MATN2: variants seen among roughly 807,000 people sequenced by gnomAD.
The protein encoded by MATN2 is matrilin 2, also known as matrilin-2.
MATN2 carries 69 observed loss-of-function variants against 103.2 expected under a neutral mutation model. The observed-to-expected ratio is 0.67, with a 90% CI of 0.55 to 0.82. The LOEUF (loss-of-function observed/expected upper bound fraction) is 0.82. MATN2 is among the 40% of genes least tolerant of loss of function. The pLI, the probability that MATN2 is intolerant of heterozygous loss-of-function variation, is 0.00. For missense variants in MATN2, 1,023 were observed against 1,211.5 expected (o/e 0.84, Z 2.31); for synonymous variants, 429 against 450.2 (o/e 0.95, Z 0.60).
At chr8:97,974,786 T>C (rs76951257) in intron 5 of MATN2, among the ~76,000 whole-genome samples, 1,706 of 152,334 alleles carry the variant, frequency 0.011, 32 homozygotes, top group African/African-American at 0.039. Flanking sequence ...TACAATAACA[T>C]GTACAAATGA....
chr8:98,007,362 TC>T lies in MATN2; in HGVS notation c.1451-115del. On this transcript the variant is annotated intron_variant, in intron 9 of 18. Coordinates refer to ENST00000254898, the MANE Select transcript of MATN2 (RefSeq NM_002380.5). The surrounding 1 kb of genome is among the most constrained non-coding windows in gnomAD (Gnocchi z 4.2). ...TCTGCTCCAGGAGATAGTGAGGATG[TC>T]CACTGGGACTGCATGCCTTCGAGGG... The T allele has an allele frequency of 6.4e-7, 1 of 1,550,708 alleles. No homozygotes were observed. The highest frequency in any genetic ancestry group is 8.8e-7 in the Non-Finnish European group (1 of 1,136,276).
rs1334516152 is a variant in MATN2 at position 97,956,206 on chromosome 8, G to A, written c.836-5202G>A. Among the ~76,000 whole-genome samples the A allele has an allele frequency of 2.0e-5, 3 of 148,980 alleles. 1 individual carries two copies. In the South Asian group the frequency reaches 6.4e-4, roughly 32 times the overall value. ...TATTTATACCCACTTTTTTTTTTTTGAGATGGAGTTTCCCAGGCTGGAGTG... is the reference window on the plus strand; with the variant it reads ...TATTTATACCCACTTTTTTTTTTTTAAGATGGAGTTTCCCAGGCTGGAGTG... On this transcript the variant is annotated intron_variant, in intron 4 of 18. Transcript: ENST00000254898.
intron 1 of MATN2, among the ~76,000 whole-genome samples, chr8:97,885,722 C>T (rs1307523923): frequency 6.6e-6 from 1 of 152,002 alleles, no homozygotes; most frequent in Non-Finnish European, 1.5e-5. Context: ...TCCCTCGAGC[C>T]TGGGAGGTTG....
At chr8:97,907,087 A>G (rs1257604557) in intron 2 of MATN2, among the ~76,000 whole-genome samples, 1 of 141,546 alleles carries the variant, frequency 7.1e-6, no homozygotes, top group East Asian at 2.0e-4. Context: ...TGCAACCTCC[A>G]TCTCCTGGGT....
At chr8:97,957,648 G>A (rs942286633) in intron 4 of MATN2, among the ~76,000 whole-genome samples, 8 of 152,198 alleles carry the variant, frequency 5.3e-5, no homozygotes, top group East Asian at 3.8e-4. Context: ...GGAGAGGGGA[G>A]CAAGGACAAC....
chr8:97,955,158 TCTTGTAGCCCC>T (rs1200480434), intron 4 of MATN2, among the ~76,000 whole-genome samples: 1 of 150,070 alleles, frequency 6.7e-6, no homozygotes, highest in East Asian at 2.0e-4. Context: ...AAGGGGTGGG[TCTTGTAGCCCC>T]CTTGACCATC....
At chr8:97,967,887 CA>C (rs1235948170) in intron 5 of MATN2, among the ~76,000 whole-genome samples, 1 of 152,258 alleles carries the variant, frequency 6.6e-6, no homozygotes, top group Admixed American at 6.5e-5. Context: ...TTCCCTTTGG[CA>C]CTGACCTAGT....
chr8:97,920,944 G>A (rs538096536), intron 2 of MATN2, among the ~76,000 whole-genome samples: 1 of 152,274 alleles, frequency 6.6e-6, no homozygotes, highest in South Asian at 2.1e-4. Flanking sequence ...TGGGGACATG[G>A]GGGTGACATG....
At position 98,033,284 on chromosome 8, in the gene MATN2, T is replaced by C. The variant is rs537405828; in HGVS notation, c.2716+108T>C. 2.8e-5 allele frequency: 29 copies of C among 1,024,048 alleles called. No homozygotes were observed. The African/African-American group carries it at 4.3e-4, about 15-fold the overall frequency. 63.4% of individuals were successfully genotyped at this position (1,024,048 alleles called of 1,614,324 possible). A position where few individuals can be genotyped will look rare whatever the true frequency, so the allele number is the denominator to read the frequency against. On this transcript the variant is annotated intron_variant, in intron 17 of 18. Transcript: ENST00000254898. ...GGAAAGAAGGAAGTAGGAAATAGTA[T>C]AGAGGAAAAGAGAAGAAAGAATTTA...
intron 2 of MATN2, among the ~76,000 whole-genome samples, chr8:97,894,121 C>T (rs937707173): frequency 1.3e-5 from 2 of 151,994 alleles, no homozygotes; most frequent in Non-Finnish European, 2.9e-5. Flanking sequence ...AAGTGGGAGA[C>T]AAAGATTTAA....
At chr8:97,900,402 A>T (rs117526033) in intron 2 of MATN2, among the ~76,000 whole-genome samples, 1 of 152,228 alleles carries the variant, frequency 6.6e-6, no homozygotes, top group Non-Finnish European at 1.5e-5. Flanking sequence ...TTAGAAAGGC[A>T]TGATGGATTA....
intron 5 of MATN2, among the ~76,000 whole-genome samples, chr8:97,964,993 T>A (rs1467382164): frequency 6.6e-6 from 1 of 152,120 alleles, no homozygotes; most frequent in Non-Finnish European, 1.5e-5. Flanking sequence ...CTCGGCCTCC[T>A]AAAGTGCAGG....
chr8:98,006,151 C>T (rs1812960843), intron 8 of MATN2, among the ~76,000 whole-genome samples: 1 of 152,228 alleles, frequency 6.6e-6, no homozygotes. Context: ...GCCCGGAGGA[C>T]CAGCTGTGCA....
At chr8:97,894,713 C>T (rs1002146998) in intron 2 of MATN2, among the ~76,000 whole-genome samples, 17 of 152,090 alleles carry the variant, frequency 1.1e-4, no homozygotes, top group African/African-American at 4.1e-4. Context: ...ATCTCTAAAC[C>T]TGACATCAAA....
intron 2 of MATN2, among the ~76,000 whole-genome samples, chr8:97,916,041 T>TTTTTA (rs141785984): frequency 0.045 from 6,603 of 145,246 alleles, 219 homozygotes; most frequent in African/African-American, 0.07. Context: ...CTGGCTATGG[T>TTTTTA]TTTTATTTTA....
chr8:97,885,972 G>A (rs973132596), intron 1 of MATN2, among the ~76,000 whole-genome samples: 10 of 152,160 alleles, frequency 6.6e-5, no homozygotes, highest in African/African-American at 1.9e-4. Flanking sequence ...ATTTACAGCC[G>A]CTCCCCATCG....
intron 2 of MATN2, among the ~76,000 whole-genome samples, chr8:97,904,166 A>C (rs905615066): frequency 6.6e-6 from 1 of 152,222 alleles, no homozygotes; most frequent in African/African-American, 2.4e-5. Context: ...TTGTTTTTGT[A>C]AAGTAGGTAT....
intron 3 of MATN2, among the ~76,000 whole-genome samples, chr8:97,937,222 T>TC (rs1357531078): frequency 6.6e-6 from 1 of 152,038 alleles, no homozygotes; most frequent in Non-Finnish European, 1.5e-5. Flanking sequence ...CCACGGCAGC[T>TC]CCCCGATGCA....
intron 13 of MATN2, among the ~76,000 whole-genome samples, chr8:98,026,536 C>T (rs1187163924): frequency 6.6e-6 from 1 of 152,116 alleles, no homozygotes; most frequent in African/African-American, 2.4e-5. Context: ...GGATTATAGG[C>T]GTGAGCCACT....
Sources: gnomAD v4.1 joint callset for allele counts (sites outside exome capture counted in the v4.1 genomes callset) on GRCh38, gnomAD v4.1.1 for gene constraint, Gnocchi (gnomAD v3.1) non-coding constraint, MANE v1.5 for transcripts, NCBI Gene and HGNC (gene_info 2026-07-23, HGNC 2026-07-21) for gene names.